The following ENTPD5 variants were observed in gnomAD, a reference collection of about 807,000 sequenced individuals.
ENTPD5 encodes ectonucleoside triphosphate diphosphohydrolase 5 (inactive), also known as nucleoside diphosphate phosphatase ENTPD5.
A neutral mutation model predicts 60.2 loss-of-function variants in ENTPD5; 49 were observed. The ratio of observed to expected loss-of-function variants is 0.81; its 90% CI spans 0.65 to 1.03. ENTPD5 has a LOEUF of 1.03. Ranked by LOEUF, ENTPD5 falls within the 50% of genes least tolerant of loss-of-function variation. The pLI, the probability that ENTPD5 is intolerant of heterozygous loss-of-function variation, is 0.00. For synonymous variants in ENTPD5, 187 were observed against 185.4 expected (o/e 1.01, Z -0.07); for missense variants, 480 against 507.6 (o/e 0.95, Z 0.52).
intron 3 of ENTPD5, among the ~76,000 whole-genome samples, chr14:73,998,000 G>A (rs1226196550): frequency 6.6e-6 from 1 of 152,096 alleles, no homozygotes; most frequent in Non-Finnish European, 1.5e-5. Context: ...GGCATGTGAA[G>A]CCTATTTGTT....
At chr14:73,961,378 A>G, downstream of ENTPD5, 2 of 1,614,126 alleles carry the variant, frequency 1.2e-6, no homozygotes, top group Non-Finnish European at 1.7e-6. Context: ...CTCATTGGGT[A>G]AGACGATAAC....
chr14:73,999,529 C>T (rs2058440569), intron 3 of ENTPD5, among the ~76,000 whole-genome samples: 1 of 151,932 alleles, frequency 6.6e-6, no homozygotes, highest in Non-Finnish European at 1.5e-5. Flanking sequence ...GGCACGGTGG[C>T]TCACTCCTGT....
chr14:74,003,545 G>A (rs1284487495), intron 3 of ENTPD5: 2 of 789,236 alleles, frequency 2.5e-6, no homozygotes, highest in Non-Finnish European at 4.1e-6. Context: ...GGGGATGCTG[G>A]TACAAGTTGT....
intron 3 of ENTPD5, among the ~76,000 whole-genome samples, chr14:74,005,529 C>T (rs1003585370): frequency 6.6e-6 from 1 of 151,678 alleles, no homozygotes; most frequent in Admixed American, 6.6e-5. Flanking sequence ...AACAACTGGC[C>T]AGGTGCGGTG....
At position 73,982,170 on chromosome 14, in the gene ENTPD5, G is replaced by A. The variant is rs193232673; in HGVS notation, c.441+848C>T. Among the ~76,000 whole-genome samples, 334 of 152,238 alleles carry A rather than the reference G, an allele frequency of 2.2e-3. 1 individual carries two copies. Among genetic ancestry groups the A allele is most frequent in the Non-Finnish European group, 4.4e-4 (30 of 68,020 alleles). ...GCTTAGTGGAACCTCTGCTTCCTGG[G>A]TTGAAGCGATTCTCCTGCCTCAGCC... is the stretch of plus-strand genomic sequence containing the variant. On this transcript the variant is annotated intron_variant, in intron 6 of 15. Coordinates refer to ENST00000334696, the MANE Select transcript of ENTPD5 (RefSeq NM_001249.5).
chr14:73,977,296 C>T lies in ENTPD5; in HGVS notation c.517+3G>A. ...CTGGAACGCATATCAACACCTCTCC[C>T]ACCTTCGTCGGATCCATCCATGATG... is the stretch of plus-strand genomic sequence containing the variant. On this transcript the variant is annotated splice_donor_region_variant and intron_variant, in intron 7 of 15. Coordinates refer to ENST00000334696, the MANE Select transcript of ENTPD5 (RefSeq NM_001249.5). The T allele has an allele frequency of 6.2e-7, 1 of 1,609,906 alleles. No homozygotes were observed. Among genetic ancestry groups the T allele is most frequent in the African/African-American group, 1.3e-5 (1 of 74,766 alleles).
intron 6 of ENTPD5, among the ~76,000 whole-genome samples, 182 bp downstream of exon 6, chr14:73,982,836 C>T (rs889684366): frequency 6.6e-6 from 1 of 152,126 alleles, no homozygotes; most frequent in African/African-American, 2.4e-5. Flanking sequence ...AAGCTCTATA[C>T]ATTTAAGAGT....
At chr14:73,961,087 G>A (rs1306025920), downstream of ENTPD5, 9 of 1,460,940 alleles carry the variant, frequency 6.2e-6, no homozygotes, top group Non-Finnish European at 8.4e-6. Flanking sequence ...CCTAAGCTTT[G>A]GTTACAAACA....
chr14:73,972,422 C>A (rs1015327858), intron 13 of ENTPD5, among the ~76,000 whole-genome samples: 2 of 151,902 alleles, frequency 1.3e-5, no homozygotes, highest in Non-Finnish European at 2.9e-5. Flanking sequence ...AACAACAAAA[C>A]CCCCACAATA....
intron 5 of ENTPD5, among the ~76,000 whole-genome samples, chr14:73,985,009 C>T (rs183073759): frequency 3.3e-5 from 5 of 152,126 alleles, no homozygotes; most frequent in South Asian, 2.1e-4. Flanking sequence ...TCTGTTCTTG[C>T]GACAGTTTGC....
chr14:73,956,229 G>T, downstream of ENTPD5: 1 of 351,850 alleles, frequency 2.8e-6, no homozygotes, highest in Non-Finnish European at 5.6e-6. Context: ...TTGGGAGGCT[G>T]AGGCAGGAGA....
downstream of ENTPD5, chr14:73,961,221 C>T: frequency 1.9e-6 from 3 of 1,614,100 alleles, no homozygotes; most frequent in South Asian, 1.1e-5. Context: ...TGGTGCCATG[C>T]TGCAGTATGC....
rs560173029 is a variant in ENTPD5 at position 74,017,208 on chromosome 14, C to T, written c.-237-1278G>A. 2.6e-5 allele frequency among the ~76,000 whole-genome samples: 4 copies of T among 152,188 alleles called. No individual in the cohort carries two copies. In the South Asian group the frequency reaches 6.2e-4, roughly 24 times the overall value. On this transcript the variant is annotated intron_variant, in intron 1 of 15. Transcript: ENST00000334696. Reference sequence around the variant, plus strand: ...TGGCGCATGCCTGGATTCCCAGCTACTCGGGAGGCTGAGGCAGGAGAATTG... The same window carrying T: ...TGGCGCATGCCTGGATTCCCAGCTATTCGGGAGGCTGAGGCAGGAGAATTG...
chr14:74,000,753 G>A (rs1394935188), intron 3 of ENTPD5, among the ~76,000 whole-genome samples: 2 of 151,982 alleles, frequency 1.3e-5, no homozygotes, highest in Non-Finnish European at 2.9e-5. Flanking sequence ...ACTCCAGCCT[G>A]GGCAACAGAG....
chr14:73,999,122 T>TTCA (rs76837807), intron 3 of ENTPD5, among the ~76,000 whole-genome samples: 16,334 of 152,184 alleles, frequency 0.11, 978 homozygotes, highest in African/African-American at 0.15. Context: ...GATCTTTTTA[T>TTCA]TCAAGATGCT....
chr14:73,958,321 A>G (rs984241910), downstream of ENTPD5: 5 of 1,612,482 alleles, frequency 3.1e-6, no homozygotes, highest in African/African-American at 6.7e-5. Context: ...GTATATCTAC[A>G]TCTTATCCTA....
At chr14:73,968,865 CTT>C (rs1349897333) in intron 15 of ENTPD5, among the ~76,000 whole-genome samples, 1 of 152,170 alleles carries the variant, frequency 6.6e-6, no homozygotes, top group Non-Finnish European at 1.5e-5. Context: ...GGATAAATAA[CTT>C]ACTACAGATA....
At chr14:74,013,606 C>T (rs1005591229) in intron 2 of ENTPD5, among the ~76,000 whole-genome samples, 1 of 151,946 alleles carries the variant, frequency 6.6e-6, no homozygotes, top group Non-Finnish European at 1.5e-5. Context: ...GATTGAACAC[C>T]CCTGGTCTAC....
rs1304298972 is a variant in ENTPD5, at chr14:73,988,034, G to C, written c.69C>G (p.His23Gln). 4.3e-6 allele frequency: 7 copies of C among 1,614,064 alleles called. No homozygotes were observed. Among genetic ancestry groups the C allele is most frequent in the Admixed American group, 1.7e-5 (1 of 59,988 alleles). ...VVSCVCSAVS[H>Q]RNQQTWFEGI... ...CCTCAAACCAAGTCTGCTGGTTCCTGTGGGAGACAGCGCTGCAAACACAGG... is the reference window on the plus strand; with the variant it reads ...CCTCAAACCAAGTCTGCTGGTTCCTCTGGGAGACAGCGCTGCAAACACAGG... The change falls in exon 4 of 16, where the codon CAC becomes CAG. Residue 23 changes from histidine (H) to glutamine (Q), a missense_variant. By Grantham distance (24) the His-to-Gln change is conservative (BLOSUM62 0). Coordinates refer to ENST00000334696, the MANE Select transcript of ENTPD5 (RefSeq NM_001249.5).
Sources: gnomAD v4.1 joint callset for allele counts (sites outside exome capture counted in the v4.1 genomes callset) on GRCh38, gnomAD v4.1.1 for gene constraint, MANE v1.5 for transcripts, NCBI Gene and HGNC (gene_info 2026-07-23, HGNC 2026-07-21) for gene names.